Variants in ADGRG1 observed in about 807,000 individuals in gnomAD.
The protein encoded by ADGRG1 is 7-transmembrane protein with no EGF-like N-terminal domains-1.
ADGRG1 carries 53 observed loss-of-function variants against 73.5 expected under a neutral mutation model. The observed-to-expected ratio is 0.72, with a 90% CI of 0.58 to 0.91. ADGRG1 has a LOEUF of 0.91. Ranked by LOEUF, ADGRG1 falls within the 40% of genes least tolerant of loss-of-function variation. The pLI is 0.00. For synonymous variants in ADGRG1, 394 were observed against 374.4 expected (o/e 1.05, Z -0.60); for missense variants, 795 against 871.8 (o/e 0.91, Z 1.11).
At chr16:57,644,451 T>C (rs1206372923) in intron 1 of ADGRG1, among the ~76,000 whole-genome samples, 1 of 117,222 alleles carries the variant, frequency 8.5e-6, no homozygotes, top group South Asian at 2.8e-4. Context: ...TTCATGCACA[T>C]GCACACACTC....
chr16:57,624,147 A>G (rs1470711871), upstream of ADGRG1: 23 of 958,324 alleles, frequency 2.4e-5, no homozygotes, highest in African/African-American at 3.9e-4. Flanking sequence ...AATGATTTAT[A>G]TGGTCACTCA....
intron 13 of ADGRG1, among the ~76,000 whole-genome samples, chr16:57,662,708 T>C (rs1251749757): frequency 6.6e-6 from 1 of 151,158 alleles, no homozygotes; most frequent in African/African-American, 2.4e-5. Flanking sequence ...GGCGGAGAGG[T>C]GGGATCCCAG....
chr16:57,641,533 G>T (rs2040829100), intron 1 of ADGRG1: 1 of 980,472 alleles, frequency 1.0e-6, no homozygotes, highest in African/African-American at 1.8e-5. Flanking sequence ...TCTCCTTTAG[G>T]TTCTAAGTCT....
chr16:57,620,344 A>G (rs2034530358), upstream of ADGRG1, among the ~76,000 whole-genome samples: 1 of 152,166 alleles, frequency 6.6e-6, no homozygotes, highest in African/African-American at 2.4e-5. Flanking sequence ...AGTGCACAGC[A>G]TGGCCGGGCA....
chr16:57,655,486 AAG>A lies in ADGRG1; in HGVS notation c.860_861del (p.Arg287ThrfsTer23), dbSNP rs778876865. ...RTKGRSGEAE[K>X]RLLLVDFSSQ... ...GAAAGGCCGGAGCGGGGAGGCTGAG[AAG>A]AGACTCCTCCTGGTGGACTTCAGCA... is the stretch of plus-strand genomic sequence containing the variant. On this transcript the variant is annotated frameshift_variant, in exon 6 of 14. Transcript: ENST00000562631. LOFTEE classifies it high-confidence loss of function. 2.5e-6 allele frequency: 4 copies of A among 1,613,808 alleles called. No individual in the cohort carries two copies. The highest frequency in any genetic ancestry group is 3.4e-6 in the Non-Finnish European group (4 of 1,179,968).
chr16:57,651,351 T>C lies in ADGRG1; in HGVS notation c.216T>C (p.Pro72=). ...EEALTVHAPF[P]AAHPASRSFP... ...CCCTCACAGTCCATGCCCCTTTCCC[T>C]GCAGCCCACCCTGCTTCCCGATCCT... is the stretch of plus-strand genomic sequence containing the variant. The change falls in exon 3 of 14, where the codon CCT becomes CCC. Residue 72 remains proline (P), a synonymous_variant. Coordinates refer to ENST00000562631, the MANE Select transcript of ADGRG1 (RefSeq NM_201525.4). 6.2e-7 allele frequency: 1 copy of C among 1,614,010 alleles called. No individual in the cohort carries two copies. The highest frequency in any genetic ancestry group is 8.5e-7 in the Non-Finnish European group (1 of 1,179,976).
intron 1 of ADGRG1, 178 bp downstream of exon 1, chr16:57,628,980 GTGA>G (rs2036824857): frequency 6.2e-6 from 2 of 323,426 alleles, no homozygotes; most frequent in East Asian, 6.9e-4. Context: ...GTGTGTGAGA[GTGA>G]GTGAGAATGT....
At chr16:57,642,296 G>A in intron 1 of ADGRG1, 2 of 985,346 alleles carry the variant, frequency 2.0e-6, no homozygotes, top group Non-Finnish European at 2.4e-6. Flanking sequence ...TATACCCCAG[G>A]CTCACCAGGG....
At chr16:57,649,491 G>A (rs1165839764) in intron 1 of ADGRG1, among the ~76,000 whole-genome samples, 1 of 152,118 alleles carries the variant, frequency 6.6e-6, no homozygotes, top group Non-Finnish European at 1.5e-5. Flanking sequence ...GGGCTTCCTG[G>A]AGGAGGTGTC....
intron 1 of ADGRG1, chr16:57,635,549 CTG>C: frequency 1.2e-5 from 12 of 985,428 alleles, no homozygotes; most frequent in Non-Finnish European, 1.4e-5. Context: ...GTTTGGGAAA[CTG>C]GAGTCAGAAC....
chr16:57,650,546 G>A (rs1187359704), intron 2 of ADGRG1, 195 bp downstream of exon 2: 1 of 396,176 alleles, frequency 2.5e-6, no homozygotes, highest in Non-Finnish European at 3.4e-6. Context: ...TTAGGGTATG[G>A]AATATGGATG....
intron 1 of ADGRG1, chr16:57,644,976 A>G (rs1037112007): frequency 3.0e-5 from 21 of 692,828 alleles, no homozygotes; most frequent in South Asian, 1.3e-4. Context: ...GCATGGGCAC[A>G]CACCCCCATG....
chr16:57,652,019 G>A (rs568985527), intron 3 of ADGRG1: 1 of 1,125,028 alleles, frequency 8.9e-7, no homozygotes, highest in African/African-American at 1.6e-5. Context: ...AGTGTAGACT[G>A]TTTATTTCCT....
At chr16:57,624,537 G>T (rs2035473253), upstream of ADGRG1, among the ~76,000 whole-genome samples, 1 of 152,138 alleles carries the variant, frequency 6.6e-6, no homozygotes, top group Non-Finnish European at 1.5e-5. Flanking sequence ...AGCAGGCAGT[G>T]GTTGCTCATG....
chr16:57,631,836 C>T, intron 1 of ADGRG1: 1 of 984,690 alleles, frequency 1.0e-6, no homozygotes, highest in Non-Finnish European at 1.2e-6. Flanking sequence ...CCATCTGGGG[C>T]TCCTTGAGGC....
intron 1 of ADGRG1, among the ~76,000 whole-genome samples, chr16:57,640,581 G>T (rs1223249585): frequency 6.6e-6 from 1 of 152,248 alleles, no homozygotes; most frequent in African/African-American, 2.4e-5. Context: ...AACCTCTGAT[G>T]GTCAGTGATG....
chr16:57,661,863 C>G lies in ADGRG1; in HGVS notation c.1831C>G (p.Leu611Val). ...TGTGCTGACACTGCTGGGCCTCAGC[C>G]TGGTCCTTGGCCTGCCCTGGGCCTT... ...SHVLTLLGLS[L>V]VLGLPWALIF... The change falls in exon 13 of 14, where the codon CTG becomes GTG. Residue 611 changes from leucine to valine, a missense_variant. Leu to Val is a conservative substitution (Grantham distance 32). Transcript: ENST00000562631. 1 of 1,614,278 alleles carries G rather than the reference C, an allele frequency of 6.2e-7. No individual in the cohort carries two copies. The highest frequency in any genetic ancestry group is 8.5e-7 in the Non-Finnish European group (1 of 1,180,044).
chr16:57,657,557 C>T (rs1402573564), intron 10 of ADGRG1, 66 bp downstream of exon 10: 15 of 1,199,596 alleles, frequency 1.3e-5, no homozygotes, highest in African/African-American at 1.0e-4. Flanking sequence ...ACCAGGGCGC[C>T]GCACACATCT....
chr16:57,661,343 C>G (rs772810711), intron 12 of ADGRG1: 40 of 985,200 alleles, frequency 4.1e-5, no homozygotes, highest in Non-Finnish European at 4.7e-5. Context: ...GGCAGCGGCC[C>G]TGCCTGTGGA....
Sources: allele counts gnomAD v4.1 joint callset (sites outside exome capture counted in the v4.1 genomes callset), GRCh38; gene constraint gnomAD v4.1.1; transcripts MANE v1.5; gene names NCBI Gene and HGNC (gene_info 2026-07-23, HGNC 2026-07-21).